Variants in YAP1 observed in about 807,000 individuals in gnomAD.
YAP1 encodes transcriptional coactivator YAP1.
YAP1 carries 5 observed loss-of-function variants against 56.9 expected under a neutral mutation model. The observed-to-expected ratio is 0.09, with a 90% confidence interval of 0.05 to 0.18. The LOEUF is 0.18. Among genes scored for constraint, YAP1 ranks in the 10% least tolerant of loss-of-function variants. The probability of loss-of-function intolerance (pLI) is 1.00; values close to 1 mark genes in which losing one functional copy is unlikely to be tolerated. For missense variants in YAP1, 539 were observed against 651.8 expected, an observed-to-expected ratio of 0.83 and a Z score of 1.88; for synonymous variants, 265 against 248.1, an observed-to-expected ratio of 1.07 and a Z score of -0.64.
chr11:102,147,866 C>T (rs566749909), intron 2 of YAP1, among the ~76,000 whole-genome samples: 31 of 152,278 alleles, frequency 2.0e-4, no homozygotes, highest in African/African-American at 7.5e-4. Flanking sequence ...CACCATTTCT[C>T]TGTCATCTAT....
In YAP1 at chr11:102,225,770, T is replaced by G. The variant is rs187405798; in HGVS notation, c.1164-1699T>G. ...TCATATAGCCCCTAAATATGATTCA[T>G]TAGTATATTTGTTCATTTCCCTCCT... On this transcript the variant is annotated intron_variant, in intron 7 of 8. Transcript: ENST00000282441. 1.6e-3 allele frequency among the ~76,000 whole-genome samples: 239 copies of G among 152,342 alleles called. 1 individual carries two copies. The highest frequency in any genetic ancestry group is 5.4e-3 in the African/African-American group (226 of 41,586).
chr11:102,123,533 A>G (rs1030162955), intron 2 of YAP1, among the ~76,000 whole-genome samples: 1 of 152,178 alleles, frequency 6.6e-6, no homozygotes, highest in African/African-American at 2.4e-5. Context: ...TCTTGTCTCT[A>G]AAACTATCTT....
chr11:102,164,302 G>C (rs750330317), intron 3 of YAP1, among the ~76,000 whole-genome samples: 28 of 151,958 alleles, frequency 1.8e-4, no homozygotes, highest in Admixed American at 7.9e-4. Flanking sequence ...CAAAGTGCTG[G>C]GATAACAGGC....
chr11:102,114,434 AAT>A, intron 2 of YAP1, 40 bp downstream of exon 2: 6 of 1,593,094 alleles, frequency 3.8e-6, no homozygotes, highest in Non-Finnish European at 5.2e-6. Context: ...ATCTAAGACA[AAT>A]ATGTATTGGA....
intron 2 of YAP1, among the ~76,000 whole-genome samples, chr11:102,157,633 AT>A (rs779153230): frequency 6.6e-6 from 1 of 152,200 alleles, no homozygotes; most frequent in Non-Finnish European, 1.5e-5. Flanking sequence ...TTAGTTGGTC[AT>A]TTGATTTCTC....
intron 5 of YAP1, among the ~76,000 whole-genome samples, chr11:102,206,906 A>T (rs565334665): frequency 6.6e-6 from 1 of 151,460 alleles, no homozygotes; most frequent in South Asian, 2.1e-4. Context: ...CTGCTTATGG[A>T]TGTTTTTTTA....
At chr11:102,115,852 C>G (rs1415577584) in intron 2 of YAP1, among the ~76,000 whole-genome samples, 1 of 152,226 alleles carries the variant, frequency 6.6e-6, no homozygotes, top group East Asian at 1.9e-4. Context: ...AAAAGAAAGG[C>G]TGCACTTTTT....
intron 2 of YAP1, among the ~76,000 whole-genome samples, chr11:102,140,387 T>C (rs1026455890): frequency 2.0e-5 from 3 of 152,190 alleles, no homozygotes; most frequent in African/African-American, 7.2e-5. Flanking sequence ...TATAATAATC[T>C]AGGATATTTA....
chr11:102,211,612 A>G (rs990492968), intron 6 of YAP1, among the ~76,000 whole-genome samples: 2 of 152,258 alleles, frequency 1.3e-5, no homozygotes, highest in Non-Finnish European at 2.9e-5. Context: ...ATTTGTATCA[A>G]GAAAGCATGT....
chr11:102,219,728 T>A (rs892351500), intron 6 of YAP1, among the ~76,000 whole-genome samples: 57 of 151,792 alleles, frequency 3.8e-4, no homozygotes, highest in African/African-American at 1.4e-3. Context: ...AAATCAAAGA[T>A]TATACCTGAT....
intron 4 of YAP1, among the ~76,000 whole-genome samples, chr11:102,193,102 A>G (rs533101904): frequency 2.0e-5 from 3 of 152,204 alleles, no homozygotes; most frequent in Non-Finnish European, 4.4e-5. Context: ...TAAAGTTGCC[A>G]TGACAGAAAG....
chr11:102,177,477 G>A (rs555641923), intron 3 of YAP1, among the ~76,000 whole-genome samples: 13 of 152,068 alleles, frequency 8.5e-5, no homozygotes, highest in African/African-American at 2.4e-4. Context: ...TCAAAAGATC[G>A]AGACCAGCCT....
chr11:102,223,718 A>G lies in YAP1; in HGVS notation c.1129A>G (p.Met377Val). ...CGGGATGTCTCAGGAATTGAGAACAATGACGACCAATAGCTCAGATCCTTT... is the reference window on the plus strand; with the variant it reads ...CGGGATGTCTCAGGAATTGAGAACAGTGACGACCAATAGCTCAGATCCTTT... ...SPGMSQELRTMTTNSSDPFLN... is the reference protein window; with the variant it reads ...SPGMSQELRTVTTNSSDPFLN... Residue 377 changes from methionine to valine, a missense_variant, in exon 7 of 9, where the codon ATG becomes GTG. This residue lies in a region of YAP1 where 414 missense variants were observed against 512.4 expected (regional missense o/e 0.81). Transcript: ENST00000282441. 1 of 1,614,176 alleles carries G rather than the reference A, an allele frequency of 6.2e-7. No individual in the cohort carries two copies. Among genetic ancestry groups the G allele is most frequent in the Non-Finnish European group, 8.5e-7 (1 of 1,180,020 alleles).
intron 4 of YAP1, among the ~76,000 whole-genome samples, chr11:102,194,473 A>C (rs547148704): frequency 1.7e-4 from 26 of 152,328 alleles, no homozygotes; most frequent in Middle Eastern, 6.8e-3. Context: ...CTAGGGAGAG[A>C]AACTATTTTA....
At chr11:102,217,092 T>A (rs1176038749) in intron 6 of YAP1, among the ~76,000 whole-genome samples, 1 of 152,212 alleles carries the variant, frequency 6.6e-6, no homozygotes, top group African/African-American at 2.4e-5. Context: ...AACATGAGTT[T>A]GCCTGCTTTA....
chr11:102,114,324 C>T lies in YAP1; in HGVS notation c.502C>T (p.Pro168Ser). The change falls in exon 2 of 9, where the codon CCT becomes TCT. Residue 168 changes from proline to serine, a missense_variant. Transcript: ENST00000282441. ...QHLRQSSFEI[P>S]DDVPLPAGWE... The stretch of plus-strand genomic sequence containing the variant: ...TCTTCGACAGTCTTCTTTTGAGATA[C>T]CTGATGATGTACCTCTGCCAGCAGG... The T allele has an allele frequency of 6.2e-7, 1 of 1,614,152 alleles. No homozygotes were observed. Among genetic ancestry groups the T allele is most frequent in the East Asian group, 2.2e-5 (1 of 44,878 alleles).
At chr11:102,207,875 A>G (rs1949201526) in intron 5 of YAP1, among the ~76,000 whole-genome samples, 1 of 152,204 alleles carries the variant, frequency 6.6e-6, no homozygotes, top group Non-Finnish European at 1.5e-5. Flanking sequence ...GGGCTCAGAA[A>G]ATGATACTCC....
chr11:102,161,120 G>A (rs1310189987), intron 2 of YAP1, among the ~76,000 whole-genome samples: 1 of 138,744 alleles, frequency 7.2e-6, no homozygotes, highest in African/African-American at 2.7e-5. Flanking sequence ...GAGTGCAGTG[G>A]TGCCATCTCG....
In YAP1 at chr11:102,222,967, G is replaced by A. The variant is rs190655116; in HGVS notation, c.1033-655G>A. ...CTTTAAGAATTATTTTTTTAGGGCCGGGCGCGGTGGCTCACGTCTGTAATC... is the reference window on the plus strand; with the variant it reads ...CTTTAAGAATTATTTTTTTAGGGCCAGGCGCGGTGGCTCACGTCTGTAATC... On this transcript the variant is annotated intron_variant, in intron 6 of 8. Coordinates refer to ENST00000282441, the MANE Select transcript of YAP1 (RefSeq NM_001130145.3). Among the ~76,000 whole-genome samples the A allele has an allele frequency of 1.9e-4, 29 of 151,762 alleles. No homozygotes were observed. The East Asian group carries it at 4.3e-3, about 22-fold the overall frequency.
Sources: gnomAD v4.1 joint callset for allele counts (sites outside exome capture counted in the v4.1 genomes callset) on GRCh38, gnomAD v4.1.1 for gene constraint, gnomAD v4.1.1 regional missense constraint, MANE v1.5 for transcripts, NCBI Gene and HGNC (gene_info 2026-07-23, HGNC 2026-07-21) for gene names.